The following CNTN5 variants were observed in gnomAD, a reference collection of about 807,000 sequenced individuals.
CNTN5 encodes contactin 5, also known as contactin-5.
Under a neutral mutation model 129.1 loss-of-function variants are expected in CNTN5, and 77 were observed. The ratio of observed to expected loss-of-function variants is 0.60; its 90% CI spans 0.50 to 0.72. The LOEUF is 0.72. Ranked by LOEUF, CNTN5 falls within the 30% of genes least tolerant of loss-of-function variation. CNTN5 has a pLI of 0.00. For missense variants in CNTN5, 1,478 were observed against 1,328.8 expected, an observed-to-expected ratio of 1.11 and a Z score of -1.75; for synonymous variants, 509 against 465.6, an observed-to-expected ratio of 1.09 and a Z score of -1.20.
At chr11:99,494,124 A>G (rs993159270) in intron 2 of CNTN5, among the ~76,000 whole-genome samples, 2 of 152,216 alleles carry the variant, frequency 1.3e-5, no homozygotes, top group African/African-American at 4.8e-5. Context: ...TGAGACATTC[A>G]TGTCAGAGCT....
intron 13 of CNTN5, among the ~76,000 whole-genome samples, chr11:100,115,115 TAAAA>T (rs11388029): frequency 5.1e-5 from 4 of 78,390 alleles, no homozygotes; most frequent in Middle Eastern, 0.01. Context: ...AGGTATACAG[TAAAA>T]AAAAAAAAAA....
chr11:99,367,981 C>G (rs1555122765), intron 2 of CNTN5, among the ~76,000 whole-genome samples: 1 of 152,022 alleles, frequency 6.6e-6, no homozygotes, highest in Non-Finnish European at 1.5e-5. Context: ...TTTCTGAATA[C>G]CTCTGTTAAA....
intron 2 of CNTN5, among the ~76,000 whole-genome samples, chr11:99,505,186 G>C (rs1381249926): frequency 6.6e-6 from 1 of 152,052 alleles, no homozygotes; most frequent in Non-Finnish European, 1.5e-5. Context: ...CGCTGGACTT[G>C]TTTAATTTAT....
chr11:100,255,617 T>A, intron 16 of CNTN5, 143 bp from the exon 17 acceptor site: 1 of 685,788 alleles, frequency 1.5e-6, no homozygotes, highest in East Asian at 2.9e-5. Context: ...CATCCATGAC[T>A]TTTTGTTGTC....
At chr11:100,203,765 C>G (rs1223605497) in intron 15 of CNTN5, among the ~76,000 whole-genome samples, 1 of 149,076 alleles carries the variant, frequency 6.7e-6, no homozygotes, top group Non-Finnish European at 1.5e-5. Context: ...CATACTGCCC[C>G]TCCCCATCCC....
chr11:99,640,015 C>T (rs1212741095), intron 3 of CNTN5, among the ~76,000 whole-genome samples: 1 of 152,200 alleles, frequency 6.6e-6, no homozygotes, highest in East Asian at 1.9e-4. Context: ...TTCACCTCTG[C>T]TTCAGCTCCC....
At chr11:99,947,802 A>C (rs115378038) in intron 7 of CNTN5, among the ~76,000 whole-genome samples, 128 of 152,310 alleles carry the variant, frequency 8.4e-4, no homozygotes, top group African/African-American at 3.0e-3. Flanking sequence ...GACTGCAATA[A>C]ATCTTCAAAT....
At chr11:99,191,102 A>G (rs1020639416) in intron 1 of CNTN5, among the ~76,000 whole-genome samples, 2 of 151,730 alleles carry the variant, frequency 1.3e-5, no homozygotes, top group South Asian at 4.1e-4. Flanking sequence ...AGATAAACAT[A>G]TCTTTTTGTT....
At chr11:99,311,533 A>G (rs1280994641) in intron 1 of CNTN5, among the ~76,000 whole-genome samples, 1 of 152,088 alleles carries the variant, frequency 6.6e-6, no homozygotes, top group African/African-American at 2.4e-5. Context: ...GGGTTCTGAA[A>G]CCTCATCACA....
intron 23 of CNTN5, among the ~76,000 whole-genome samples, chr11:100,344,238 TA>T (rs1001682888): frequency 6.6e-6 from 1 of 152,150 alleles, no homozygotes; most frequent in Non-Finnish European, 1.5e-5. Context: ...CCTTTTACAT[TA>T]AGTCCAGTTT....
intron 3 of CNTN5, among the ~76,000 whole-genome samples, chr11:99,668,412 A>T (rs1030694180): frequency 5.3e-5 from 8 of 152,058 alleles, no homozygotes; most frequent in African/African-American, 1.9e-4. Flanking sequence ...CTTCTTGTCT[A>T]TCATAAGGGA....
chr11:99,250,693 A>G (rs1173484253), intron 1 of CNTN5, among the ~76,000 whole-genome samples: 3 of 151,880 alleles, frequency 2.0e-5, no homozygotes, highest in Admixed American at 2.0e-4. Flanking sequence ...GTTTCCATAG[A>G]TGACTGATTA....
chr11:99,080,808 G>A (rs974042457), intron 1 of CNTN5, among the ~76,000 whole-genome samples: 1 of 152,124 alleles, frequency 6.6e-6, no homozygotes, highest in African/African-American at 2.4e-5. Flanking sequence ...TTGTATAAGT[G>A]TTTTGAGGAC....
chr11:99,499,671 T>A (rs566040379), intron 2 of CNTN5, among the ~76,000 whole-genome samples: 1 of 152,358 alleles, frequency 6.6e-6, no homozygotes, highest in African/African-American at 2.4e-5. Context: ...GACAAAAATT[T>A]ATTTATTCTA....
intron 4 of CNTN5, among the ~76,000 whole-genome samples, chr11:99,827,830 T>G (rs1947014417): frequency 6.6e-6 from 1 of 152,150 alleles, no homozygotes; most frequent in Non-Finnish European, 1.5e-5. Flanking sequence ...GTGACGCAAA[T>G]TTTTACGCAG....
intron 1 of CNTN5, among the ~76,000 whole-genome samples, chr11:99,288,667 TAGA>T (rs1864044086): frequency 1.3e-5 from 2 of 151,890 alleles, no homozygotes; most frequent in South Asian, 4.1e-4. Context: ...TACAAAGGAA[TAGA>T]AGAATTGTGT....
intron 8 of CNTN5, among the ~76,000 whole-genome samples, chr11:99,989,828 C>T (rs75030458): frequency 0.033 from 5,029 of 152,178 alleles, 210 homozygotes; most frequent in East Asian, 0.19. Context: ...TACAGTGGCA[C>T]GATCTGGGCT....
chr11:99,799,141 A>T (rs1316991228), intron 3 of CNTN5, among the ~76,000 whole-genome samples: 2 of 152,000 alleles, frequency 1.3e-5, no homozygotes, highest in Non-Finnish European at 2.9e-5. Flanking sequence ...AAGGTCATTT[A>T]TCAGTTCCTG....
chr11:99,848,514 T>C (rs1048523057), intron 6 of CNTN5, among the ~76,000 whole-genome samples: 10 of 152,186 alleles, frequency 6.6e-5, no homozygotes, highest in Non-Finnish European at 1.3e-4. Context: ...TAATCCAATT[T>C]TGTTAAACAT....
Sources: gnomAD v4.1 joint callset for allele counts (sites outside exome capture counted in the v4.1 genomes callset) on GRCh38, gnomAD v4.1.1 for gene constraint, MANE v1.5 for transcripts, NCBI Gene and HGNC (gene_info 2026-07-23, HGNC 2026-07-21) for gene names.